The following MID1 variants were observed in gnomAD, a reference collection of about 807,000 sequenced individuals.
MID1 encodes the protein E3 ubiquitin-protein ligase Midline-1.
Under a neutral mutation model 40.4 loss-of-function variants are expected in MID1, and 7 were observed. The observed-to-expected ratio is 0.17, with a 90% CI of 0.10 to 0.33. The LOEUF is 0.33. Ranked by LOEUF, MID1 falls within the 10% of genes least tolerant of loss-of-function variation. MID1 has a pLI of 1.00. For missense variants in MID1, 367 were observed against 558.5 expected, an observed-to-expected ratio of 0.66 and a Z score of 3.46; for synonymous variants, 229 against 221.2, an observed-to-expected ratio of 1.04 and a Z score of -0.31.
In MID1 at chrX:10,520,249, T is replaced by C. The variant is rs192685592; in HGVS notation, c.756+2843A>G. Among the ~76,000 whole-genome samples, 7 of 111,951 alleles carry C rather than the reference T, an allele frequency of 6.3e-5. No individual in the cohort carries two copies. The East Asian group carries it at 2.0e-3, about 31-fold the overall frequency. The stretch of plus-strand genomic sequence containing the variant: ...ATCTAAGATACCAGCAACTGTCTCA[T>C]CTATATTTTGTGTGCCAGTAGGAAC... On this transcript the variant is annotated intron_variant, in intron 3 of 9. Transcript: ENST00000317552.
intron 1 of MID1, among the ~76,000 whole-genome samples, chrX:10,741,302 A>T (rs1176834759): frequency 9.0e-6 from 1 of 111,143 alleles, no homozygotes; most frequent in Non-Finnish European, 1.9e-5. Flanking sequence ...AGCAAGGAGA[A>T]ATTCTGGAAA....
intron 1 of MID1, among the ~76,000 whole-genome samples, chrX:10,704,716 G>GTATATATATATATATA (rs771605675): frequency 2.6e-5 from 2 of 78,095 alleles, no homozygotes; most frequent in Non-Finnish European, 4.7e-5. Context: ...GTGTGTGTGT[G>GTATATATATATATATA]TATATATATA....
chrX:10,574,859 C>T (rs1308961113), intron 1 of MID1, among the ~76,000 whole-genome samples: 5 of 112,334 alleles, frequency 4.5e-5, no homozygotes, highest in African/African-American at 1.6e-4. Flanking sequence ...GTTAATACCA[C>T]GTGGCTGTCA....
At chrX:10,727,202 C>T (rs1453507406) in intron 1 of MID1, among the ~76,000 whole-genome samples, 1 of 112,461 alleles carries the variant, frequency 8.9e-6, no homozygotes, top group Admixed American at 9.4e-5. Flanking sequence ...ACAACCTCCT[C>T]CTCCTGGGTT....
rs767443135 is a variant in MID1, at chrX:10,482,479, CCTCT to C, written c.1010_1013del (p.Arg338SerfsTer11). On this transcript the variant is annotated frameshift_variant and splice_region_variant, in exon 5 of 10. Coordinates refer to ENST00000317552, the MANE Select transcript of MID1 (RefSeq NM_000381.4). LOFTEE classifies it high-confidence loss of function. ...AAATTCCCAGGGGCCCCTGCACTCA[CCTCT>C]CGGTGATATTCTTAGCAGTCTGTAG... is the stretch of plus-strand genomic sequence containing the variant. 8.3e-7 allele frequency: 1 copy of C among 1,208,680 alleles called. No homozygotes were observed. Among genetic ancestry groups the C allele is most frequent in the East Asian group, 3.0e-5 (1 of 33,750 alleles).
intron 3 of MID1, among the ~76,000 whole-genome samples, chrX:10,502,493 G>A (rs1033922567): frequency 8.1e-5 from 9 of 111,498 alleles, no homozygotes; most frequent in African/African-American, 1.3e-4. Flanking sequence ...GCACAAATCC[G>A]GAGGCTACTA....
chrX:10,533,370 A>AAG (rs1569089728), intron 2 of MID1, among the ~76,000 whole-genome samples: 54 of 83,776 alleles, frequency 6.4e-4, no homozygotes, highest in African/African-American at 2.4e-3. Flanking sequence ...GAAAGAAAGA[A>AAG]AGAAAGAAAA....
At chrX:10,747,187 G>T (rs2043563897) in intron 1 of MID1, among the ~76,000 whole-genome samples, 1 of 111,827 alleles carries the variant, frequency 8.9e-6, no homozygotes, top group Admixed American at 9.5e-5. Flanking sequence ...TGGATGTGAT[G>T]GGGGAGAGAC....
At chrX:10,823,122 C>A (rs918276504) in intron 1 of MID1, among the ~76,000 whole-genome samples, 1 of 111,852 alleles carries the variant, frequency 8.9e-6, no homozygotes, top group African/African-American at 3.3e-5. Context: ...TGCATATACA[C>A]CATGGAATAC....
intron 1 of MID1, among the ~76,000 whole-genome samples, chrX:10,593,816 T>C (rs956756782): frequency 2.8e-5 from 3 of 108,225 alleles, no homozygotes; most frequent in South Asian, 4.1e-4. Flanking sequence ...ACTTTTTCTT[T>C]TGGGGAGAGG....
intron 1 of MID1, among the ~76,000 whole-genome samples, chrX:10,611,916 C>T (rs933363031): frequency 2.7e-5 from 3 of 111,535 alleles, no homozygotes; most frequent in African/African-American, 9.8e-5. Flanking sequence ...GGTCAAAGCA[C>T]GATGGCCTAA....
chrX:10,520,179 T>A (rs1932637227), intron 3 of MID1, among the ~76,000 whole-genome samples: 1 of 111,710 alleles, frequency 9.0e-6, no homozygotes, highest in Non-Finnish European at 1.9e-5. Context: ...TGTATTCGCA[T>A]TTTTTTCTCT....
At chrX:10,551,368 T>A (rs1933903311) in intron 2 of MID1, among the ~76,000 whole-genome samples, 1 of 112,642 alleles carries the variant, frequency 8.9e-6, no homozygotes, top group Non-Finnish European at 1.9e-5. Context: ...GCTGCCTGAA[T>A]TAAAGTTTTA....
At chrX:10,462,353 C>T (rs773114531) in intron 7 of MID1, among the ~76,000 whole-genome samples, 2 of 111,834 alleles carry the variant, frequency 1.8e-5, no homozygotes, top group East Asian at 5.6e-4. Context: ...GCACCATTAC[C>T]GGTGTTGGTC....
chrX:10,685,121 TATC>T (rs1213459471), intron 1 of MID1, among the ~76,000 whole-genome samples: 4 of 111,696 alleles, frequency 3.6e-5, no homozygotes, highest in African/African-American at 1.3e-4. Flanking sequence ...TAAAACTAAA[TATC>T]ATGTCATGAA....
rs1027204062 is a variant in MID1 at position 10,505,385 on chromosome X, A to C, written c.757-9694T>G. ...TGTTAGAAGCAGTTCCAAAATGAAGAAGCAGAATGGAAGGGGTTGCTCATA... is the reference window on the plus strand; with the variant it reads ...TGTTAGAAGCAGTTCCAAAATGAAGCAGCAGAATGGAAGGGGTTGCTCATA... On this transcript the variant is annotated intron_variant, in intron 3 of 9. Transcript: ENST00000317552. 4.0e-5 allele frequency: 30 copies of C among 751,546 alleles called. No individual in the cohort carries two copies. The South Asian group carries it at 1.5e-3, about 38-fold the overall frequency. 61.9% of individuals were successfully genotyped at this position (751,546 alleles called of 1,213,427 possible).
chrX:10,561,233 A>G (rs1212980561), intron 2 of MID1, among the ~76,000 whole-genome samples: 1 of 107,612 alleles, frequency 9.3e-6, no homozygotes, highest in East Asian at 2.8e-4. Context: ...TGGATTAAAG[A>G]CTTAAATGTA....
intron 1 of MID1, among the ~76,000 whole-genome samples, chrX:10,725,140 C>T (rs1218230870): frequency 8.9e-6 from 1 of 111,762 alleles, no homozygotes; most frequent in Admixed American, 9.5e-5. Context: ...TTTTCTCCTC[C>T]CAGGAATGAT....
At chrX:10,602,731 A>G (rs1935554783) in intron 1 of MID1, among the ~76,000 whole-genome samples, 1 of 112,566 alleles carries the variant, frequency 8.9e-6, no homozygotes, top group African/African-American at 3.2e-5. Context: ...ACGCTGAAAA[A>G]AGCCCACAAA....
Sources: allele counts gnomAD v4.1 joint callset (sites outside exome capture counted in the v4.1 genomes callset), GRCh38; gene constraint gnomAD v4.1.1; transcripts MANE v1.5; gene names NCBI Gene and HGNC (gene_info 2026-07-23, HGNC 2026-07-21).